The following AKT3 variants were observed in gnomAD, a reference collection of about 807,000 sequenced individuals.
AKT3 encodes the protein RAC-gamma serine/threonine-protein kinase.
AKT3 carries 15 observed loss-of-function variants against 65.3 expected under a neutral mutation model. That is an observed-to-expected ratio of 0.23 (90% CI 0.15 to 0.35). The LOEUF is 0.35. AKT3 is among the 10% of genes least tolerant of loss of function. The pLI is 1.00. For missense variants in AKT3, 243 were observed against 576.5 expected (o/e 0.42, Z 5.92); for synonymous variants, 206 against 183.8 (o/e 1.12, Z -0.98).
chr1:243,832,770 T>C (rs1442037554), intron 2 of AKT3, among the ~76,000 whole-genome samples: 1 of 152,208 alleles, frequency 6.6e-6, no homozygotes, highest in African/African-American at 2.4e-5. Context: ...GAGATCTCAG[T>C]ACAGCACGTT....
At chr1:243,792,651 T>C (rs1008022352) in intron 2 of AKT3, among the ~76,000 whole-genome samples, 1 of 152,154 alleles carries the variant, frequency 6.6e-6, no homozygotes, top group African/African-American at 2.4e-5. Context: ...GAAGAGTTTA[T>C]AGGAGCCAAG....
chr1:243,656,921 C>T (rs1052739673), intron 4 of AKT3, among the ~76,000 whole-genome samples: 2 of 151,804 alleles, frequency 1.3e-5, no homozygotes, highest in African/African-American at 4.8e-5. Flanking sequence ...AGTGGTGTAT[C>T]CAATAAATTA....
intron 8 of AKT3, among the ~76,000 whole-genome samples, chr1:243,586,730 G>A (rs1360302285): frequency 2.6e-5 from 4 of 152,110 alleles, no homozygotes; most frequent in African/African-American, 7.2e-5. Context: ...TACTAGAGGA[G>A]GGGAGGGGTT....
chr1:243,544,705 G>GAT (rs1672543177), intron 12 of AKT3, among the ~76,000 whole-genome samples: 1 of 142,276 alleles, frequency 7.0e-6, no homozygotes, highest in Non-Finnish European at 1.5e-5. Flanking sequence ...TTTGTTTTTT[G>GAT]TTTTTTTTTT....
chr1:243,667,627 C>T (rs1019732637), intron 3 of AKT3, among the ~76,000 whole-genome samples: 2 of 152,156 alleles, frequency 1.3e-5, no homozygotes, highest in South Asian at 2.1e-4. Flanking sequence ...CTTTTCCCTG[C>T]CCCTCACTGC....
intron 2 of AKT3, among the ~76,000 whole-genome samples, chr1:243,773,203 A>T (rs932742937): frequency 9.9e-4 from 144 of 145,624 alleles, no homozygotes; most frequent in Non-Finnish European, 1.3e-3. Context: ...ATATATATAT[A>T]AAAAATATAT....
In AKT3 at chr1:243,613,656, T is replaced by C; in HGVS notation, c.696+15A>G. Reference sequence around the variant, plus strand: ...AATACTACCATGCAAATACTGGATTTACTTCTTGACTCACCTCGCCCCCAT... The same window carrying C: ...AATACTACCATGCAAATACTGGATTCACTTCTTGACTCACCTCGCCCCCAT... On this transcript the variant is annotated intron_variant, in intron 8 of 13. Coordinates refer to ENST00000673466, the MANE Select transcript of AKT3 (RefSeq NM_005465.7). 6.4e-7 allele frequency: 1 copy of C among 1,563,716 alleles called. No homozygotes were observed. The highest frequency in any genetic ancestry group is 8.7e-7 in the Non-Finnish European group (1 of 1,151,896).
chr1:243,510,369 C>A (rs1255026650), intron 13 of AKT3, among the ~76,000 whole-genome samples: 1 of 152,164 alleles, frequency 6.6e-6, no homozygotes, highest in African/African-American at 2.4e-5. Flanking sequence ...CCTCTCCAAC[C>A]CACTGCATGT....
Position 243,803,446 on chromosome 1 carries a change from T to C in AKT3, c.46+39679A>G, listed in dbSNP as rs140548842. On this transcript the variant is annotated intron_variant, in intron 2 of 13. Transcript: ENST00000673466. ...ATTTTTGTGAAGGACTTAAAAATAT[T>C]AGGTTATGTACATGAAAAACACTTT... Among the ~76,000 whole-genome samples the C allele has an allele frequency of 3.0e-3, 452 of 152,224 alleles. 2 individuals carry two copies. Among genetic ancestry groups the C allele is most frequent in the Admixed American group, 6.1e-3 (93 of 15,288 alleles).
chr1:243,511,246 A>G (rs944358738), intron 13 of AKT3, among the ~76,000 whole-genome samples: 5 of 152,232 alleles, frequency 3.3e-5, no homozygotes, highest in Admixed American at 1.3e-4. Flanking sequence ...CTTTTTGTGA[A>G]TCTAAAGAAA....
intron 8 of AKT3, among the ~76,000 whole-genome samples, chr1:243,573,275 G>A (rs1006919543): frequency 2.6e-5 from 4 of 151,992 alleles, no homozygotes; most frequent in African/African-American, 9.7e-5. Context: ...TCTTGTTTAA[G>A]GCATTCTGCT....
intron 6 of AKT3, among the ~76,000 whole-genome samples, chr1:243,615,887 A>C (rs1572035237): frequency 2.6e-5 from 4 of 151,934 alleles, no homozygotes; most frequent in Non-Finnish European, 5.9e-5. Flanking sequence ...GTGAGGCACC[A>C]TGCCCAGCCT....
At chr1:243,641,279 C>T (rs928423867) in intron 5 of AKT3, among the ~76,000 whole-genome samples, 11 of 149,180 alleles carry the variant, frequency 7.4e-5, no homozygotes, top group South Asian at 6.4e-4. Context: ...TATATACACA[C>T]ACACACACAC....
At chr1:243,492,192 G>A (rs1156849254) in intron 13 of AKT3, among the ~76,000 whole-genome samples, 1 of 151,596 alleles carries the variant, frequency 6.6e-6, no homozygotes, top group East Asian at 1.9e-4. Flanking sequence ...GCTGCCACAT[G>A]GATGCTTTTG....
chr1:243,522,963 C>T (rs1298974051), intron 12 of AKT3, among the ~76,000 whole-genome samples: 1 of 151,984 alleles, frequency 6.6e-6, no homozygotes, highest in East Asian at 1.9e-4. Flanking sequence ...CAGATGAATG[C>T]TGGAGAGACC....
rs528024698 is a variant in AKT3, at chr1:243,807,247, C to T, written c.46+35878G>A. Among the ~76,000 whole-genome samples the T allele has an allele frequency of 3.3e-5, 5 of 152,254 alleles. No homozygotes were observed. The South Asian group carries it at 8.3e-4, about 25-fold the overall frequency. On this transcript the variant is annotated intron_variant, in intron 2 of 13. Transcript: ENST00000673466. Reference sequence around the variant, plus strand: ...AAGCAGGGTGAGGCATCACCTCACCCGGGAAGCACAAGGCGTCAGGGAATT... The same window carrying T: ...AAGCAGGGTGAGGCATCACCTCACCTGGGAAGCACAAGGCGTCAGGGAATT...
intron 3 of AKT3, among the ~76,000 whole-genome samples, chr1:243,691,906 G>A (rs972365574): frequency 1.3e-5 from 2 of 152,158 alleles, no homozygotes; most frequent in Admixed American, 6.5e-5. Context: ...AGTGTGAAGG[G>A]TCTTCAACCA....
intron 8 of AKT3, among the ~76,000 whole-genome samples, chr1:243,603,314 C>A (rs987752880): frequency 1.3e-5 from 2 of 152,168 alleles, no homozygotes; most frequent in Admixed American, 6.5e-5. Flanking sequence ...CTGGTAGTCT[C>A]CATAGGAACT....
intron 2 of AKT3, among the ~76,000 whole-genome samples, chr1:243,796,547 G>T (rs1478227115): frequency 6.6e-6 from 1 of 152,156 alleles, no homozygotes; most frequent in Non-Finnish European, 1.5e-5. Flanking sequence ...TACGGCCAAT[G>T]TATGTCTATC....
Sources: gnomAD v4.1 joint callset for allele counts (sites outside exome capture counted in the v4.1 genomes callset) on GRCh38, gnomAD v4.1.1 for gene constraint, MANE v1.5 for transcripts, NCBI Gene and HGNC (gene_info 2026-07-23, HGNC 2026-07-21) for gene names.